Variants in PLPPR5 observed in about 807,000 individuals in gnomAD.
PLPPR5 encodes phospholipid phosphatase-related protein type 5.
In PLPPR5, 16 loss-of-function variants were observed where a neutral mutation model predicts 33.9. The observed-to-expected ratio is 0.47, with a 90% CI of 0.32 to 0.72. The LOEUF is 0.72. Among genes scored for constraint, PLPPR5 ranks in the 30% least tolerant of loss-of-function variants. The probability of loss-of-function intolerance (pLI) is 0.03; values close to 1 mark genes in which losing one functional copy is unlikely to be tolerated. For missense variants in PLPPR5, 301 were observed against 406.7 expected, an observed-to-expected ratio of 0.74 and a Z score of 2.23; for synonymous variants, 163 against 150.3, an observed-to-expected ratio of 1.08 and a Z score of -0.62.
intron 1 of PLPPR5, among the ~76,000 whole-genome samples, chr1:98,967,912 G>C (rs1651509633): frequency 6.6e-6 from 1 of 152,054 alleles, no homozygotes; most frequent in East Asian, 1.9e-4. Flanking sequence ...AGAGTTGTTT[G>C]ATCATTTGGG....
intron 1 of PLPPR5, among the ~76,000 whole-genome samples, chr1:98,978,852 A>T (rs1333656724): frequency 6.6e-6 from 1 of 152,050 alleles, no homozygotes; most frequent in Non-Finnish European, 1.5e-5. Flanking sequence ...TAGAACCAAG[A>T]CTCAAACACA....
chr1:98,993,065 T>C (rs745714420), intron 1 of PLPPR5, among the ~76,000 whole-genome samples: 1 of 152,264 alleles, frequency 6.6e-6, no homozygotes, highest in South Asian at 2.1e-4. Flanking sequence ...TTAGTTAATA[T>C]GTATAAAGTA....
chr1:99,001,383 C>T (rs1248523256), intron 1 of PLPPR5, among the ~76,000 whole-genome samples: 1 of 151,794 alleles, frequency 6.6e-6, no homozygotes, highest in African/African-American at 2.4e-5. Context: ...GATCCACCCG[C>T]CTCAGCCTCC....
rs1030632836 is a variant in PLPPR5 at position 98,892,265 on chromosome 1, A to G, written c.*807T>C. The G allele has an allele frequency of 1.3e-5, 2 of 152,432 alleles. No individual in the cohort carries two copies. The highest frequency in any genetic ancestry group is 4.8e-5 in the African/African-American group (2 of 41,426). 9.4% of individuals were successfully genotyped at this position (152,432 alleles called of 1,614,324 possible). On this transcript the variant is annotated 3_prime_UTR_variant, in exon 6 of 6. Transcript: ENST00000263177. ...ACTGCTACCCATGGGAAATTACTCA[A>G]TAATAAGGTACCAGTGCTGAATTTA... is the stretch of plus-strand genomic sequence containing the variant.
At chr1:99,000,709 A>T (rs1652807667) in intron 1 of PLPPR5, among the ~76,000 whole-genome samples, 1 of 152,186 alleles carries the variant, frequency 6.6e-6, no homozygotes, top group Admixed American at 6.5e-5. Context: ...CTTCTGAACC[A>T]CTAGAGGTCT....
At chr1:98,926,633 T>C (rs1649774860) in intron 3 of PLPPR5, among the ~76,000 whole-genome samples, 1 of 152,138 alleles carries the variant, frequency 6.6e-6, no homozygotes, top group Non-Finnish European at 1.5e-5. Flanking sequence ...AAGTCAAATT[T>C]ATTATTGTTT....
chr1:98,894,154 A>G (rs1408837822), intron 5 of PLPPR5, among the ~76,000 whole-genome samples: 1 of 152,068 alleles, frequency 6.6e-6, no homozygotes, highest in East Asian at 1.9e-4. Context: ...ACTTAATACT[A>G]GAAAAAAACA....
intron 1 of PLPPR5, among the ~76,000 whole-genome samples, chr1:98,995,274 C>T (rs1426354148): frequency 6.6e-6 from 1 of 151,904 alleles, no homozygotes; most frequent in Non-Finnish European, 1.5e-5. Flanking sequence ...TATATATGGA[C>T]ACAAAGAAGG....
chr1:98,897,409 T>G (rs1164706212), intron 5 of PLPPR5, among the ~76,000 whole-genome samples: 1 of 152,216 alleles, frequency 6.6e-6, no homozygotes, highest in Non-Finnish European at 1.5e-5. Context: ...GTGTTTTACA[T>G]ATTACTTAAA....
rs865779605 is a variant in PLPPR5 at position 98,939,466 on chromosome 1, C to T, written c.621+13604G>A. Among the ~76,000 whole-genome samples the T allele has an allele frequency of 4.6e-5, 7 of 151,840 alleles. No homozygotes were observed. In the South Asian group the frequency reaches 1.2e-3, roughly 27 times the overall value. ...TTTTCCCACTACTTAGCATCTAACC[C>T]CTTTCTTGTGATTGGGAAATTCTCC... On this transcript the variant is annotated intron_variant, in intron 3 of 5. Coordinates refer to ENST00000263177, the MANE Select transcript of PLPPR5 (RefSeq NM_001037317.2).
intron 4 of PLPPR5, among the ~76,000 whole-genome samples, chr1:98,917,165 C>T (rs772780064): frequency 4.7e-4 from 71 of 152,250 alleles, no homozygotes; most frequent in African/African-American, 1.1e-3. Flanking sequence ...CACCCACCTC[C>T]GCCCCAGTGC....
chr1:98,964,309 G>A (rs763074415), intron 1 of PLPPR5, among the ~76,000 whole-genome samples: 8 of 152,130 alleles, frequency 5.3e-5, no homozygotes, highest in Non-Finnish European at 8.8e-5. Flanking sequence ...AAGCAGCAGG[G>A]CCCCTCCTGC....
chr1:98,902,691 A>C (rs914358385), intron 5 of PLPPR5, among the ~76,000 whole-genome samples: 1 of 152,116 alleles, frequency 6.6e-6, no homozygotes, highest in African/African-American at 2.4e-5. Context: ...AAAGAGGGAG[A>C]TGAACGGCTG....
At chr1:98,927,251 T>C (rs775459313) in intron 3 of PLPPR5, among the ~76,000 whole-genome samples, 1 of 152,218 alleles carries the variant, frequency 6.6e-6, no homozygotes, top group South Asian at 2.1e-4. Context: ...TCTGAATAAA[T>C]GCTTAGTTGT....
At chr1:98,932,826 T>C (rs1250626116) in intron 3 of PLPPR5, among the ~76,000 whole-genome samples, 1 of 152,152 alleles carries the variant, frequency 6.6e-6, no homozygotes, top group Non-Finnish European at 1.5e-5. Context: ...ATTAGGGCTA[T>C]GATGTTAGGT....
intron 1 of PLPPR5, among the ~76,000 whole-genome samples, chr1:99,001,679 T>TATATATATAG (rs1652854914): frequency 7.1e-6 from 1 of 140,616 alleles, no homozygotes; most frequent in Non-Finnish European, 1.5e-5. Flanking sequence ...AAGATATATA[T>TATATATATAG]ATATATATAT....
intron 3 of PLPPR5, among the ~76,000 whole-genome samples, chr1:98,929,350 A>G (rs1649884133): frequency 6.6e-6 from 1 of 152,238 alleles, no homozygotes; most frequent in South Asian, 2.1e-4. Flanking sequence ...GTGTTAGGAG[A>G]AATAATGTAT....
At chr1:98,973,169 C>T (rs1037281842) in intron 1 of PLPPR5, among the ~76,000 whole-genome samples, 4 of 151,930 alleles carry the variant, frequency 2.6e-5, no homozygotes, top group African/African-American at 4.8e-5. Flanking sequence ...TATCTAAGTC[C>T]GAGTTTTCTG....
chr1:98,972,300 T>C (rs1651689343), intron 1 of PLPPR5, among the ~76,000 whole-genome samples: 1 of 152,078 alleles, frequency 6.6e-6, no homozygotes, highest in Admixed American at 6.6e-5. Context: ...TATGAACAAA[T>C]ACTTAGACAT....
Sources: allele counts gnomAD v4.1 joint callset (sites outside exome capture counted in the v4.1 genomes callset), GRCh38; gene constraint gnomAD v4.1.1; transcripts MANE v1.5; gene names NCBI Gene and HGNC (gene_info 2026-07-23, HGNC 2026-07-21).